IGLL5: variants seen among roughly 807,000 people sequenced by gnomAD.
IGLL5 encodes immunoglobulin lambda like polypeptide 5.
IGLL5 carries 30 observed loss-of-function variants against 20.9 expected under a neutral mutation model. That is an observed-to-expected ratio of 1.44 (90% CI 1.07 to 1.95). IGLL5 has a LOEUF of 1.95. Ranked by LOEUF, IGLL5 falls within the 30% of genes most tolerant of loss-of-function variation. IGLL5 has a pLI of 0.00. For synonymous variants in IGLL5, 203 were observed against 117.3 expected (o/e 1.73, Z -4.72); for missense variants, 475 against 270.7 (o/e 1.75, Z -5.30).
chr22:22,888,347 GGAGGAAGGTTAACCCCTAA>G, intron 1 of IGLL5, 88 bp downstream of exon 1: 1 of 1,282,322 alleles, frequency 7.8e-7, no homozygotes, highest in Admixed American at 2.2e-5. Context: ...AGAGGAGTGA[GGAGGAAGGTTAACCCCTAA>G]GAGGGGCCTG....
At chr22:22,889,243 T>G (rs1341307100) in intron 1 of IGLL5, among the ~76,000 whole-genome samples, 1 of 150,894 alleles carries the variant, frequency 6.6e-6, no homozygotes, top group Non-Finnish European at 1.5e-5. Flanking sequence ...GACACTCAGA[T>G]TCAGAGCACC....
intron 2 of IGLL5, among the ~76,000 whole-genome samples, chr22:22,894,178 G>T (rs1601624262): frequency 1.3e-5 from 2 of 151,482 alleles, no homozygotes; most frequent in African/African-American, 2.4e-5. Context: ...AAGGACAGAG[G>T]CTGCTGGGGT....
intron 1 of IGLL5, among the ~76,000 whole-genome samples, chr22:22,889,047 T>C (rs577269653): frequency 2.0e-5 from 3 of 151,326 alleles, no homozygotes; most frequent in Admixed American, 6.6e-5. Flanking sequence ...CCATTCCCAG[T>C]CCAGGACGAG....
In IGLL5 at chr22:22,893,823, G is replaced by C. The variant is rs756960249; in HGVS notation, c.325+5G>C. 3.1e-6 allele frequency: 5 copies of C among 1,588,044 alleles called. No homozygotes were observed. The highest frequency in any genetic ancestry group is 2.2e-5 in the East Asian group (1 of 44,528). Reference sequence around the variant, plus strand: ...GGACCAAGGTCACCGTCCTAGGTAAGTGGCTCTCAACCTTTCCCAGCCTGT... The same window carrying C: ...GGACCAAGGTCACCGTCCTAGGTAACTGGCTCTCAACCTTTCCCAGCCTGT... On this transcript the variant is annotated splice_donor_5th_base_variant and intron_variant, in intron 2 of 2. Coordinates refer to ENST00000526893, the MANE Select transcript of IGLL5 (RefSeq NM_001178126.2).
Position 22,893,776 on chromosome 22 carries a change from CTG to C in IGLL5, c.287_288del (p.Cys96LeufsTer29), listed in dbSNP as rs780729302. On this transcript the variant is annotated frameshift_variant, in exon 2 of 3. Coordinates refer to ENST00000526893, the MANE Select transcript of IGLL5 (RefSeq NM_001178126.2). LOFTEE classifies it high-confidence loss of function. Reference protein sequence around the residue: ...PRGFWSEPQSLCYVFGTGTKV... With the variant: ...PRGFWSEPQSXCYVFGTGTKV... The stretch of plus-strand genomic sequence containing the variant: ...GGGGTTTTGGTCTGAGCCTCAGTCA[CTG>C]TGTTATGTCTTCGGAACTGGGACCA... 3.1e-6 allele frequency: 5 copies of C among 1,605,200 alleles called. 1 individual carries two copies. Among genetic ancestry groups the C allele is most frequent in the Non-Finnish European group, 4.3e-6 (5 of 1,175,984 alleles).
At position 22,888,098 on chromosome 22, in the gene IGLL5, G is replaced by T. The variant is rs544778929; in HGVS notation, c.45G>T (p.Glu15Asp). The change falls in exon 1 of 3, where the codon GAG becomes GAT. Residue 15 changes from glutamate (E) to aspartate (D), a missense_variant. Coordinates refer to ENST00000526893, the MANE Select transcript of IGLL5 (RefSeq NM_001178126.2). ...TGQVGCETPE[E>D]LGPGPRQRWP... ...AAGTGGGTTGTGAGACCCCTGAGGA[G>T]CTGGGCCCTGGTCCCAGGCAGCGCT... The T allele has an allele frequency of 3.9e-6, 6 of 1,549,366 alleles. 1 individual carries two copies. The Admixed American group carries it at 5.9e-5, about 15-fold the overall frequency.
intron 1 of IGLL5, among the ~76,000 whole-genome samples, chr22:22,889,466 A>G (rs117446046): frequency 6.6e-6 from 1 of 151,384 alleles, no homozygotes; most frequent in Non-Finnish European, 1.5e-5. Context: ...GAATAATCAA[A>G]GCTGTAACCA....
chr22:22,888,295 C>A (rs575974572), intron 1 of IGLL5, 36 bp downstream of exon 1: 3 of 1,536,742 alleles, frequency 2.0e-6, no homozygotes, highest in African/African-American at 1.4e-5. Flanking sequence ...TGTGGGGGTC[C>A]TGCAGCAGAG....
rs201375434 is a variant in IGLL5 at position 22,895,597 on chromosome 22, C to T, written c.548C>T (p.Thr183Met). 5.6e-5 allele frequency: 90 copies of T among 1,613,188 alleles called. No individual in the cohort carries two copies. The highest frequency in any genetic ancestry group is 3.8e-4 in the Admixed American group (23 of 59,894). Residue 183 changes from threonine (T) to methionine (M), a missense_variant, in exon 3 of 3, where the codon ACG becomes ATG. Physicochemically the swap from Thr to Met is moderately conservative, Grantham distance 81. Coordinates refer to ENST00000526893, the MANE Select transcript of IGLL5 (RefSeq NM_001178126.2). ...KYAASSYLSL[T>M]PEQWKSHRSY... ...GCGGCCAGCAGCTACCTGAGCCTGA[C>T]GCCCGAGCAGTGGAAGTCCCACAGA...
At chr22:22,894,330 A>T (rs980088789) in intron 2 of IGLL5, among the ~76,000 whole-genome samples, 1 of 151,306 alleles carries the variant, frequency 6.6e-6, no homozygotes, top group Middle Eastern at 3.7e-3. Flanking sequence ...GGGGAGACCA[A>T]TGGAGGGCAC....
intron 1 of IGLL5, among the ~76,000 whole-genome samples, chr22:22,888,654 G>T (rs574733607): frequency 1.3e-5 from 2 of 151,276 alleles, no homozygotes; most frequent in African/African-American, 2.4e-5. Context: ...CTGCCCATGT[G>T]CCTCCTGCCC....
At chr22:22,893,036 G>C (rs1369807839) in intron 1 of IGLL5, among the ~76,000 whole-genome samples, 2 of 151,174 alleles carry the variant, frequency 1.3e-5, no homozygotes, top group Admixed American at 1.3e-4. Flanking sequence ...GAGGCTGAGA[G>C]CCAGGGGATC....
At chr22:22,894,012 C>A (rs147100852) in intron 2 of IGLL5, among the ~76,000 whole-genome samples, 194 bp downstream of exon 2, 1 of 151,514 alleles carries the variant, frequency 6.6e-6, no homozygotes, top group Admixed American at 6.6e-5. Context: ...GTGGGAGCAG[C>A]CGGATGCAGC....
At chr22:22,893,903 C>G (rs149959642) in intron 2 of IGLL5, 85 bp downstream of exon 2, 5 of 927,688 alleles carry the variant, frequency 5.4e-6, no homozygotes, top group Admixed American at 1.7e-5. Flanking sequence ...GCTTCCTCCC[C>G]TCTGTCCTCC....
intron 1 of IGLL5, among the ~76,000 whole-genome samples, chr22:22,892,838 G>C (rs1204646307): frequency 6.6e-6 from 1 of 151,096 alleles, no homozygotes; most frequent in African/African-American, 2.4e-5. Flanking sequence ...CTGGGAGTCA[G>C]CAGTTGGGCA....
intron 2 of IGLL5, among the ~76,000 whole-genome samples, chr22:22,894,157 C>T (rs1227435318): frequency 6.6e-6 from 1 of 151,484 alleles, no homozygotes; most frequent in Admixed American, 6.6e-5. Flanking sequence ...TGCCCAGTGA[C>T]TCCTGGGGTC....
In IGLL5 at chr22:22,888,473, G is replaced by A. The variant is rs183685610; in HGVS notation, c.206+214G>A. Among the ~76,000 whole-genome samples, 17 of 151,274 alleles carry A rather than the reference G, an allele frequency of 1.1e-4. 1 individual carries two copies. Among genetic ancestry groups the A allele is most frequent in the Middle Eastern group, 7.4e-3 (2 of 270 alleles). ...ATCATATTACGATATTATTTTTCTTGATTTCTGAGTTTTCTGGCGCCACTT... is the reference window on the plus strand; with the variant it reads ...ATCATATTACGATATTATTTTTCTTAATTTCTGAGTTTTCTGGCGCCACTT... On this transcript the variant is annotated intron_variant, in intron 1 of 2. Coordinates refer to ENST00000526893, the MANE Select transcript of IGLL5 (RefSeq NM_001178126.2).
intron 1 of IGLL5, among the ~76,000 whole-genome samples, chr22:22,890,719 A>C (rs1293971913): frequency 6.6e-6 from 1 of 150,706 alleles, no homozygotes; most frequent in Non-Finnish European, 1.5e-5. Flanking sequence ...GTCTGTGTCC[A>C]CTCACTCCGG....
At chr22:22,893,647 T>G in intron 1 of IGLL5, 53 bp from the exon 2 acceptor site, 1 of 1,163,050 alleles carries the variant, frequency 8.6e-7, no homozygotes, top group Non-Finnish European at 1.2e-6. Flanking sequence ...CCCTGCCTCA[T>G]GTCTAGGTCC....
Sources: allele counts gnomAD v4.1 joint callset (sites outside exome capture counted in the v4.1 genomes callset), GRCh38; gene constraint gnomAD v4.1.1; transcripts MANE v1.5; gene names NCBI Gene and HGNC (gene_info 2026-07-23, HGNC 2026-07-21).